COPB1: variants seen among roughly 807,000 people sequenced by gnomAD.
COPB1 encodes the protein coat protein complex I subunit beta 1.
A neutral mutation model predicts 108.7 loss-of-function variants in COPB1; 21 were observed. The ratio of observed to expected loss-of-function variants is 0.19; its 90% CI spans 0.14 to 0.28. The LOEUF is 0.28. COPB1 is among the 10% of genes least tolerant of loss of function. The pLI, the probability that COPB1 is intolerant of heterozygous loss-of-function variation, is 1.00. For missense variants in COPB1, 919 were observed against 1,141.3 expected (o/e 0.81, Z 2.81); for synonymous variants, 378 against 386.8 (o/e 0.98, Z 0.27).
chr11:14,476,887 T>C (rs759721292), intron 12 of COPB1, 32 bp downstream of exon 12: 24 of 1,377,338 alleles, frequency 1.7e-5, no homozygotes, highest in Non-Finnish European at 1.3e-5. Flanking sequence ...AAAATTACCA[T>C]ATAAACTAAC....
At chr11:14,477,076 T>C (rs937007614) in intron 11 of COPB1, 61 bp from the exon 12 acceptor site, 35 of 1,169,360 alleles carry the variant, frequency 3.0e-5, no homozygotes, top group Non-Finnish European at 2.1e-5. Flanking sequence ...CAGAGATCTT[T>C]CTTTGTTAAT....
At chr11:14,475,378 C>A (rs1004969101) in intron 13 of COPB1, among the ~76,000 whole-genome samples, 1 of 152,022 alleles carries the variant, frequency 6.6e-6, no homozygotes, top group African/African-American at 2.4e-5. Context: ...AAATTTTAGG[C>A]AAAGATTTCA....
intron 8 of COPB1, among the ~76,000 whole-genome samples, chr11:14,482,222 T>C (rs1243272108): frequency 6.6e-6 from 1 of 152,200 alleles, no homozygotes; most frequent in Non-Finnish European, 1.5e-5. Context: ...ATACACACCA[T>C]ATTCATATTT....
intron 20 of COPB1, among the ~76,000 whole-genome samples, chr11:14,459,137 T>C (rs565215492): frequency 6.6e-6 from 1 of 152,326 alleles, no homozygotes; most frequent in Admixed American, 6.5e-5. Flanking sequence ...TATGAGTTTG[T>C]CAAAACTCAA....
At chr11:14,459,134 T>C (rs1325507977) in intron 20 of COPB1, among the ~76,000 whole-genome samples, 2 of 152,190 alleles carry the variant, frequency 1.3e-5, no homozygotes, top group African/African-American at 4.8e-5. Context: ...TCTTATGAGT[T>C]TGTCAAAACT....
intron 7 of COPB1, among the ~76,000 whole-genome samples, chr11:14,485,884 TTA>T (rs1217180786): frequency 2.0e-5 from 3 of 152,094 alleles, no homozygotes; most frequent in Non-Finnish European, 4.4e-5. Context: ...GTTAAATGTA[TTA>T]TATAATGTAT....
chr11:14,460,212 T>C lies in COPB1; in HGVS notation c.2642A>G (p.Glu881Gly). Reference sequence around the variant, plus strand: ...AATTTCCTAGTCAAATTTTACCTTTTCTGGAGTCAGGCATTTCATATTGGT... The same window carrying C: ...AATTTCCTAGTCAAATTTTACCTTTCCTGGAGTCAGGCATTTCATATTGGT... ...KSTNMKCLTP[E>G]KALSGYCGFM... Residue 881 changes from glutamate (E) to glycine (G), a missense_variant, in exon 20 of 22, where the codon GAA becomes GGA. This residue lies in a region of COPB1 where 705 missense variants were observed against 817.8 expected (regional missense o/e 0.86). Transcript: ENST00000439561. 6.2e-7 allele frequency: 1 copy of C among 1,600,206 alleles called. No homozygotes were observed. The highest frequency in any genetic ancestry group is 8.6e-7 in the Non-Finnish European group (1 of 1,168,330).
chr11:14,477,389 C>CTAAAAAAAAA (rs1850546862), intron 11 of COPB1, among the ~76,000 whole-genome samples: 1 of 73,312 alleles, frequency 1.4e-5, no homozygotes, highest in Non-Finnish European at 2.5e-5. Context: ...GACTCCGTCT[C>CTAAAAAAAAA]AAAAAAAAAA....
At chr11:14,470,394 T>C (rs962101230) in intron 14 of COPB1, among the ~76,000 whole-genome samples, 1 of 152,186 alleles carries the variant, frequency 6.6e-6, no homozygotes, top group Non-Finnish European at 1.5e-5. Context: ...GATGCTGCTA[T>C]CTTAATCTTT....
intron 14 of COPB1, among the ~76,000 whole-genome samples, chr11:14,470,333 G>T (rs1850372191): frequency 2.0e-5 from 3 of 152,126 alleles, no homozygotes; most frequent in Non-Finnish European, 2.9e-5. Context: ...TGCATCACAA[G>T]GTACCTAAAG....
intron 11 of COPB1, 70 bp downstream of exon 11, chr11:14,479,499 C>A: frequency 6.9e-7 from 1 of 1,442,396 alleles, no homozygotes. Context: ...TTTCTATCAA[C>A]TGACCCTTTA....
intron 4 of COPB1, among the ~76,000 whole-genome samples, chr11:14,491,474 A>T (rs539934364): frequency 1.5e-4 from 23 of 152,280 alleles, no homozygotes; most frequent in African/African-American, 5.5e-4. Flanking sequence ...GTTTGAGATG[A>T]GCCTGACCAA....
chr11:14,475,640 C>CA, intron 13 of COPB1, 145 bp downstream of exon 13: 1 of 689,144 alleles, frequency 1.5e-6, no homozygotes, highest in Non-Finnish European at 2.1e-6. Flanking sequence ...AGAACTTAAA[C>CA]ATCCTCCGCT....
intron 14 of COPB1, among the ~76,000 whole-genome samples, chr11:14,471,022 T>G (rs534794511): frequency 1.3e-5 from 2 of 151,962 alleles, no homozygotes; most frequent in African/African-American, 2.4e-5. Flanking sequence ...AATGGAGCTT[T>G]ACTTTTACAC....
At chr11:14,466,164 T>A (rs751080117) in intron 17 of COPB1, 118 bp downstream of exon 17, 3 of 1,004,510 alleles carry the variant, frequency 3.0e-6, no homozygotes, top group Non-Finnish European at 2.8e-6. Flanking sequence ...TAAGCCTTGA[T>A]TCAAAATGTC....
chr11:14,487,542 G>A (rs1850801002), intron 6 of COPB1, among the ~76,000 whole-genome samples: 1 of 152,048 alleles, frequency 6.6e-6, no homozygotes, highest in Non-Finnish European at 1.5e-5. Context: ...GGATACGGTG[G>A]CGTGCACCTG....
At chr11:14,466,801 G>C (rs1312481491) in intron 16 of COPB1, among the ~76,000 whole-genome samples, 1 of 152,100 alleles carries the variant, frequency 6.6e-6, no homozygotes, top group Non-Finnish European at 1.5e-5. Flanking sequence ...AAATCCCTCA[G>C]TAAGTATCTA....
intron 18 of COPB1, among the ~76,000 whole-genome samples, chr11:14,462,016 T>C (rs1398891566): frequency 6.6e-6 from 1 of 152,100 alleles, no homozygotes; most frequent in Non-Finnish European, 1.5e-5. Context: ...GTTTAGGATA[T>C]AATGACAAGG....
At chr11:14,498,516 C>G (rs1851078014) in intron 2 of COPB1, among the ~76,000 whole-genome samples, 1 of 152,160 alleles carries the variant, frequency 6.6e-6, no homozygotes, top group African/African-American at 2.4e-5. Flanking sequence ...TTAAGATATT[C>G]CAATACACAT....
Sources: gnomAD v4.1 joint callset for allele counts (sites outside exome capture counted in the v4.1 genomes callset) on GRCh38, gnomAD v4.1.1 for gene constraint, gnomAD v4.1.1 regional missense constraint, MANE v1.5 for transcripts, NCBI Gene and HGNC (gene_info 2026-07-23, HGNC 2026-07-21) for gene names.